Variants in AGMO observed in about 807,000 individuals in gnomAD.
AGMO encodes glyceryl-ether monooxygenase.
Under a neutral mutation model 60.2 loss-of-function variants are expected in AGMO, and 75 were observed. The observed-to-expected ratio is 1.25, with a 90% confidence interval of 1.03 to 1.51. The LOEUF (loss-of-function observed/expected upper bound fraction) is 1.51, where lower values mean the gene tolerates loss of function less well. Ranked by LOEUF, AGMO falls within the 40% of genes most tolerant of loss-of-function variation. The probability of loss-of-function intolerance (pLI) is 0.00; values close to 1 mark genes in which losing one functional copy is unlikely to be tolerated. For missense variants in AGMO, 763 were observed against 525.5 expected, an observed-to-expected ratio of 1.45 and a Z score of -4.42; for synonymous variants, 261 against 177.1, an observed-to-expected ratio of 1.47 and a Z score of -3.76.
intron 3 of AGMO, among the ~76,000 whole-genome samples, chr7:15,477,718 G>C (rs1030631856): frequency 1.3e-5 from 2 of 152,060 alleles, no homozygotes; most frequent in Admixed American, 6.6e-5. Context: ...TTATAGCCTT[G>C]ATCACCAGAC....
At chr7:15,470,600 G>C (rs1039143708) in intron 3 of AGMO, among the ~76,000 whole-genome samples, 1 of 151,814 alleles carries the variant, frequency 6.6e-6, no homozygotes, top group Non-Finnish European at 1.5e-5. Context: ...TTATCTAAGT[G>C]GATCTTCTTC....
intron 12 of AGMO, among the ~76,000 whole-genome samples, chr7:15,248,560 A>G (rs1782836772): frequency 6.6e-6 from 1 of 152,120 alleles, no homozygotes; most frequent in Admixed American, 6.5e-5. Context: ...TCCACCTTTC[A>G]AAAGAAATTT....
chr7:15,431,483 G>A (rs11972400), intron 3 of AGMO, among the ~76,000 whole-genome samples: 8 of 151,816 alleles, frequency 5.3e-5, no homozygotes, highest in Admixed American at 1.3e-4. Flanking sequence ...TGATTTTTCA[G>A]CGTGTGATAA....
At chr7:15,227,912 A>G (rs1563044302) in intron 12 of AGMO, among the ~76,000 whole-genome samples, 1 of 151,982 alleles carries the variant, frequency 6.6e-6, no homozygotes, top group Non-Finnish European at 1.5e-5. Context: ...TCTTTCCTCA[A>G]AAGCTTGGTA....
intron 12 of AGMO, among the ~76,000 whole-genome samples, chr7:15,246,990 G>C (rs1000624993): frequency 6.6e-5 from 10 of 152,008 alleles, no homozygotes; most frequent in African/African-American, 2.4e-4. Context: ...ACTTTCTGTA[G>C]AGACATGGTT....
chr7:15,137,246 T>C, the AGMO span, among the ~76,000 whole-genome samples: 1 of 152,242 alleles, frequency 6.6e-6, no homozygotes, highest in African/African-American at 2.4e-5. Context: ...TTTTCATCAA[T>C]GCAGTTCAGA....
At chr7:15,120,770 TTC>T in the AGMO span, among the ~76,000 whole-genome samples, 1 of 152,172 alleles carries the variant, frequency 6.6e-6, no homozygotes, top group East Asian at 1.9e-4. Flanking sequence ...TTTCTTTTTT[TTC>T]TTTTTTTGAA....
At chr7:15,327,033 C>T (rs777859846) in intron 12 of AGMO, among the ~76,000 whole-genome samples, 2 of 152,098 alleles carry the variant, frequency 1.3e-5, no homozygotes, top group Non-Finnish European at 2.9e-5. Flanking sequence ...AAGTTCATAA[C>T]ATATAATATT....
intron 12 of AGMO, among the ~76,000 whole-genome samples, chr7:15,276,276 T>C (rs1457261686): frequency 6.6e-6 from 1 of 152,216 alleles, no homozygotes; most frequent in South Asian, 2.1e-4. Flanking sequence ...ACTATTTCTC[T>C]TTCATTTATG....
At chr7:15,233,108 A>G (rs1379681787) in intron 12 of AGMO, among the ~76,000 whole-genome samples, 1 of 152,236 alleles carries the variant, frequency 6.6e-6, no homozygotes, top group East Asian at 1.9e-4. Flanking sequence ...GTCCGCAAAA[A>G]AAGGCAAGAA....
intron 10 of AGMO, among the ~76,000 whole-genome samples, chr7:15,372,764 T>G (rs1157394978): frequency 6.6e-6 from 1 of 152,240 alleles, no homozygotes; most frequent in African/African-American, 2.4e-5. Context: ...TTCATTTAAT[T>G]TACTCCCATT....
intron 12 of AGMO, among the ~76,000 whole-genome samples, chr7:15,363,305 T>G (rs547457802): frequency 3.9e-4 from 60 of 152,316 alleles, no homozygotes; most frequent in African/African-American, 1.4e-3. Context: ...GCCAAATAGT[T>G]ATTTCAAATG....
At chr7:15,366,399 T>C (rs1490133176) in intron 10 of AGMO, among the ~76,000 whole-genome samples, 177 bp from the exon 11 acceptor site, 3 of 152,162 alleles carry the variant, frequency 2.0e-5, no homozygotes, top group African/African-American at 7.2e-5. Context: ...TGTCTTTCAG[T>C]TCCTTGTTGG....
chr7:15,462,665 T>C (rs1782173693), intron 3 of AGMO, among the ~76,000 whole-genome samples: 1 of 152,154 alleles, frequency 6.6e-6, no homozygotes, highest in Non-Finnish European at 1.5e-5. Flanking sequence ...GTTACAAATT[T>C]CTATTCACAA....
chr7:15,162,846 G>GT, the AGMO span, among the ~76,000 whole-genome samples: 1 of 152,102 alleles, frequency 6.6e-6, no homozygotes, highest in Non-Finnish European at 1.5e-5. Flanking sequence ...TATTTGGGCT[G>GT]TTTTTGGTCC....
chr7:15,148,441 C>T, the AGMO span, among the ~76,000 whole-genome samples: 1 of 152,096 alleles, frequency 6.6e-6, no homozygotes, highest in Non-Finnish European at 1.5e-5. Flanking sequence ...AGGTAGTGAG[C>T]ATGGTACCCT....
intron 5 of AGMO, among the ~76,000 whole-genome samples, chr7:15,396,796 C>T (rs982288910): frequency 4.0e-5 from 6 of 151,628 alleles, no homozygotes; most frequent in Admixed American, 6.6e-5. Flanking sequence ...CTGATTGGTC[C>T]GTTTTACAGA....
At chr7:15,253,325 A>T (rs1159644903) in intron 12 of AGMO, among the ~76,000 whole-genome samples, 2 of 152,168 alleles carry the variant, frequency 1.3e-5, no homozygotes, top group East Asian at 3.9e-4. Context: ...AATTTACCAA[A>T]GTTCTTTCTT....
intron 6 of AGMO, among the ~76,000 whole-genome samples, chr7:15,392,104 C>G (rs1290658238): frequency 6.6e-6 from 1 of 151,806 alleles, no homozygotes; most frequent in Non-Finnish European, 1.5e-5. Context: ...GAGTCTCACT[C>G]TGTTGTCCAG....
Sources: allele counts gnomAD v4.1 joint callset (sites outside exome capture counted in the v4.1 genomes callset), GRCh38; gene constraint gnomAD v4.1.1; transcripts MANE v1.5; gene names NCBI Gene and HGNC (gene_info 2026-07-23, HGNC 2026-07-21).